Variants in IFT43 observed in about 807,000 individuals in gnomAD.
IFT43 encodes intraflagellar transport protein 43 homolog.
Under a neutral mutation model 32.3 loss-of-function variants are expected in IFT43, and 33 were observed. The ratio of observed to expected loss-of-function variants is 1.02; its 90% CI spans 0.77 to 1.37. The LOEUF (loss-of-function observed/expected upper bound fraction) is 1.37. IFT43 is among the 40% of genes most tolerant of loss of function. The pLI is 0.00. For synonymous variants in IFT43, 93 were observed against 98.2 expected, an observed-to-expected ratio of 0.95 and a Z score of 0.31; for missense variants, 274 against 265.9, an observed-to-expected ratio of 1.03 and a Z score of -0.21.
intron 2 of IFT43, among the ~76,000 whole-genome samples, chr14:75,994,365 G>T (rs541574620): frequency 6.6e-6 from 1 of 152,132 alleles, no homozygotes; most frequent in East Asian, 1.9e-4. Flanking sequence ...AAGAGGAAAA[G>T]TCTCTTTATT....
intron 3 of IFT43, among the ~76,000 whole-genome samples, chr14:76,047,149 A>G (rs746730770): frequency 6.6e-6 from 1 of 152,214 alleles, no homozygotes; most frequent in Non-Finnish European, 1.5e-5. Context: ...TTAAGTTTCA[A>G]CATCAGTTTT....
chr14:76,082,095 G>A (rs990006945), intron 5 of IFT43, among the ~76,000 whole-genome samples, 200 bp from the exon 6 acceptor site: 3 of 152,248 alleles, frequency 2.0e-5, no homozygotes, highest in Non-Finnish European at 4.4e-5. Context: ...TATCTCAGCA[G>A]GTTCTGGAAT....
intron 2 of IFT43, among the ~76,000 whole-genome samples, chr14:75,991,376 A>AAAAATATTAACAAGAGTGTGTGTGTGT (rs1566694298): frequency 7.3e-6 from 1 of 137,328 alleles, no homozygotes; most frequent in African/African-American, 2.9e-5. Context: ...TATATATATA[A>AAAAATATTAACAAGAGTGTGTGTGTGT]ATATTAACAA....
At chr14:76,034,280 C>G (rs1048438656) in intron 3 of IFT43, among the ~76,000 whole-genome samples, 1 of 152,120 alleles carries the variant, frequency 6.6e-6, no homozygotes, top group African/African-American at 2.4e-5. Context: ...TTCCTAGTTA[C>G]GTCCTTAAGT....
At chr14:76,061,688 TCTC>T (rs1389558013) in intron 5 of IFT43, among the ~76,000 whole-genome samples, 1 of 152,226 alleles carries the variant, frequency 6.6e-6, no homozygotes, top group Non-Finnish European at 1.5e-5. Flanking sequence ...CCATTAATCT[TCTC>T]ATTCTGTGTA....
intron 3 of IFT43, among the ~76,000 whole-genome samples, chr14:76,054,694 A>G (rs999879355): frequency 2.6e-5 from 4 of 152,234 alleles, no homozygotes; most frequent in African/African-American, 9.6e-5. Context: ...CAAACTTCTA[A>G]TAGCCACTTT....
At chr14:76,058,285 G>A (rs1485581281) in intron 3 of IFT43, 5 of 295,042 alleles carry the variant, frequency 1.7e-5, no homozygotes, top group African/African-American at 6.7e-5. Flanking sequence ...CACCAAATAA[G>A]ACCCAGGGTC....
At chr14:75,995,943 G>A (rs2035736721) in intron 2 of IFT43, among the ~76,000 whole-genome samples, 2 of 152,156 alleles carry the variant, frequency 1.3e-5, no homozygotes, top group Admixed American at 6.5e-5. Context: ...CCATCCCTGG[G>A]GCCGGCCGCT....
chr14:75,998,909 A>AT (rs2035797769), intron 2 of IFT43, among the ~76,000 whole-genome samples: 4 of 152,144 alleles, frequency 2.6e-5, no homozygotes, highest in Middle Eastern at 3.4e-3. Flanking sequence ...ATTTATTTTT[A>AT]TTTTTTGTAG....
At chr14:76,059,289 T>C (rs2037085643) in intron 4 of IFT43, 38 bp from the exon 5 acceptor site, 4 of 1,613,674 alleles carry the variant, frequency 2.5e-6, no homozygotes, top group Admixed American at 1.7e-5. Context: ...TGTTTGAAAC[T>C]CATTTTTTGC....
At chr14:75,997,774 A>G (rs1159848824) in intron 2 of IFT43, among the ~76,000 whole-genome samples, 1 of 152,088 alleles carries the variant, frequency 6.6e-6, no homozygotes, top group East Asian at 1.9e-4. Context: ...TTGGGGGGAA[A>G]TTAGAGAAAT....
chr14:76,061,306 C>A (rs67520433), intron 5 of IFT43, among the ~76,000 whole-genome samples: 52,774 of 152,068 alleles, frequency 0.35, 9,270 homozygotes, highest in African/African-American at 0.4. Context: ...CAATTTGTTC[C>A]TAATATGCCT....
At chr14:76,058,735 T>C (rs1244710836) in intron 4 of IFT43, 61 bp downstream of exon 4, 1 of 1,608,364 alleles carries the variant, frequency 6.2e-7, no homozygotes, top group Non-Finnish European at 8.5e-7. Flanking sequence ...AACAGTGCAG[T>C]CTTGGTGGTC....
At chr14:76,007,837 A>T (rs2036008657) in intron 2 of IFT43, among the ~76,000 whole-genome samples, 1 of 152,140 alleles carries the variant, frequency 6.6e-6, no homozygotes, top group Admixed American at 6.6e-5. Flanking sequence ...GGAAGAAGGG[A>T]GAGCTGATGT....
At chr14:76,039,611 G>A (rs191037553) in intron 3 of IFT43, among the ~76,000 whole-genome samples, 64 of 152,248 alleles carry the variant, frequency 4.2e-4, no homozygotes, top group African/African-American at 1.3e-3. Context: ...GTATAACATC[G>A]TGTCTTCTTT....
At chr14:76,067,150 T>C (rs2037237844) in intron 5 of IFT43, among the ~76,000 whole-genome samples, 1 of 152,232 alleles carries the variant, frequency 6.6e-6, no homozygotes, top group Admixed American at 6.5e-5. Context: ...CCGTGGTACA[T>C]GTTGCTTATT....
intron 2 of IFT43, among the ~76,000 whole-genome samples, chr14:75,994,856 C>CT (rs1272835097): frequency 2.0e-5 from 3 of 152,206 alleles, no homozygotes. Context: ...TCACAGAACT[C>CT]TTTTAAGGAC....
chr14:76,083,452 T>C lies in IFT43; in HGVS notation c.508-6T>C. 6.2e-7 allele frequency: 1 copy of C among 1,614,150 alleles called. No homozygotes were observed. The highest frequency in any genetic ancestry group is 8.5e-7 in the Non-Finnish European group (1 of 1,180,034). ...TTGTCTTACCCAGCGAAACCCTTCT[T>C]GGCAGGATGATGTCGGCTGGGACTG... On this transcript the variant is annotated splice_region_variant and splice_polypyrimidine_tract_variant and intron_variant, in intron 8 of 8. Coordinates refer to ENST00000314067, the MANE Select transcript of IFT43 (RefSeq NM_001102564.3).
intron 3 of IFT43, among the ~76,000 whole-genome samples, chr14:76,031,048 A>C (rs1035943468): frequency 1.4e-5 from 2 of 148,006 alleles, no homozygotes. Flanking sequence ...ATATACATAC[A>C]TAAAAATTAT....
Sources: gnomAD v4.1 joint callset for allele counts (sites outside exome capture counted in the v4.1 genomes callset) on GRCh38, gnomAD v4.1.1 for gene constraint, MANE v1.5 for transcripts, NCBI Gene and HGNC (gene_info 2026-07-23, HGNC 2026-07-21) for gene names.